The following RTN4 variants were observed in gnomAD, a reference collection of about 807,000 sequenced individuals.
RTN4 encodes reticulon 4.
RTN4 carries 32 observed loss-of-function variants against 90.4 expected under a neutral mutation model. The observed-to-expected ratio is 0.35, with a 90% CI of 0.27 to 0.48. RTN4 has a LOEUF of 0.48. Ranked by LOEUF, RTN4 falls within the 20% of genes least tolerant of loss-of-function variation. The pLI, the probability that RTN4 is intolerant of heterozygous loss-of-function variation, is 0.99. For synonymous variants in RTN4, 629 were observed against 552.5 expected, an observed-to-expected ratio of 1.14 and a Z score of -1.94; for missense variants, 1,706 against 1,430.2, an observed-to-expected ratio of 1.19 and a Z score of -3.11.
At chr2:55,046,340 G>A (rs1479493183) in intron 1 of RTN4, among the ~76,000 whole-genome samples, 1 of 152,062 alleles carries the variant, frequency 6.6e-6, no homozygotes. Flanking sequence ...GACCCCCAAT[G>A]ATCTGGGTGG....
At chr2:55,081,381 C>G (rs1484934358) in intron 1 of RTN4, among the ~76,000 whole-genome samples, 1 of 152,018 alleles carries the variant, frequency 6.6e-6, no homozygotes, top group African/African-American at 2.4e-5. Context: ...CCAGCCTTCA[C>G]TCTCTTTTAA....
the RTN4 span, among the ~76,000 whole-genome samples, chr2:55,127,011 G>T: frequency 2.6e-5 from 4 of 152,184 alleles, no homozygotes; most frequent in East Asian, 1.9e-4. Flanking sequence ...GTCTACTTGA[G>T]GGGGAGAGTA....
chr2:54,987,372 C>T, intron 4 of RTN4, 119 bp downstream of exon 4: 1 of 795,338 alleles, frequency 1.3e-6, no homozygotes, highest in Non-Finnish European at 2.1e-6. Flanking sequence ...AAGCAAATAA[C>T]TGCAATTATC....
chr2:55,072,984 A>G (rs1668542219), intron 2 of RTN4, among the ~76,000 whole-genome samples: 1 of 152,200 alleles, frequency 6.6e-6, no homozygotes, highest in Non-Finnish European at 1.5e-5. Context: ...TCATTCTTTC[A>G]TCTTATTCAA....
chr2:55,039,833 T>C (rs891942793), intron 1 of RTN4, among the ~76,000 whole-genome samples: 3 of 152,166 alleles, frequency 2.0e-5, no homozygotes, highest in Non-Finnish European at 4.4e-5. Flanking sequence ...ACTAATTCTA[T>C]TGTATTGAAG....
chr2:55,025,667 T>C lies in RTN4; in HGVS notation c.2432A>G (p.Lys811Arg). 1 of 1,613,824 alleles carries C rather than the reference T, an allele frequency of 6.2e-7. No individual in the cohort carries two copies. ...AACTTCATCAGGTAACAGGGTATCT[T>C]TTGTGTTATCTAAACTGAGCTTAAA... ...ESFKLSLDNT[K>R]DTLLPDEVST... Residue 811 changes from lysine to arginine, a missense_variant, in exon 3 of 9, where the codon AAA becomes AGA. By Grantham distance (26) the Lys-to-Arg change is conservative (BLOSUM62 2). Coordinates refer to ENST00000337526, the MANE Select transcript of RTN4 (RefSeq NM_020532.5).
At chr2:55,089,603 T>C (rs1398472927) in intron 1 of RTN4, among the ~76,000 whole-genome samples, 2 of 152,256 alleles carry the variant, frequency 1.3e-5, no homozygotes, top group Non-Finnish European at 2.9e-5. Context: ...GACAGAGACG[T>C]CCTGCTCCAA....
intron 1 of RTN4, chr2:55,049,111 C>T: frequency 1.0e-6 from 1 of 985,978 alleles, no homozygotes; most frequent in East Asian, 1.1e-4. Context: ...CTCCACGCAC[C>T]ACACCACTGG....
intron 1 of RTN4, among the ~76,000 whole-genome samples, chr2:55,083,898 T>C (rs1228210636): frequency 6.6e-6 from 1 of 152,238 alleles, no homozygotes; most frequent in Non-Finnish European, 1.5e-5. Flanking sequence ...TTCTTTGTTC[T>C]AATATTTGGT....
Position 55,026,625 on chromosome 2 carries a change from T to C in RTN4, c.1474A>G (p.Thr492Ala). The change falls in exon 3 of 9, where the codon ACC becomes GCC. Residue 492 changes from threonine (T) to alanine (A), a missense_variant. By Grantham distance (58) the Thr-to-Ala change is moderately conservative (BLOSUM62 0). Coordinates refer to ENST00000337526, the MANE Select transcript of RTN4 (RefSeq NM_020532.5). Reference protein sequence around the residue: ...LLGDPTSENKTDEKKIEEKKA... With the variant: ...LLGDPTSENKADEKKIEEKKA... ...TTTTCTTCTATTTTTTTTTCATCGG[T>C]CTTATTTTCTGAAGTAGGATCTCCT... The C allele has an allele frequency of 6.2e-7, 1 of 1,612,610 alleles. No individual in the cohort carries two copies. Among genetic ancestry groups the C allele is most frequent in the Admixed American group, 1.7e-5 (1 of 59,914 alleles).
At chr2:55,002,246 G>A (rs1679903506) in intron 3 of RTN4, among the ~76,000 whole-genome samples, 2 of 151,674 alleles carry the variant, frequency 1.3e-5, no homozygotes, top group South Asian at 4.2e-4. Flanking sequence ...TTTTGTAGAG[G>A]CAGGGCCTCC....
At chr2:55,085,257 CCAAA>C (rs1668814843) in intron 1 of RTN4, among the ~76,000 whole-genome samples, 1 of 151,926 alleles carries the variant, frequency 6.6e-6, no homozygotes, top group African/African-American at 2.4e-5. Context: ...TCTGGAGAAC[CCAAA>C]CACAGTGTGT....
intron 3 of RTN4, among the ~76,000 whole-genome samples, chr2:54,989,936 A>T (rs1380850732): frequency 6.6e-6 from 1 of 152,124 alleles, no homozygotes; most frequent in Non-Finnish European, 1.5e-5. Context: ...ACGGGGAGTG[A>T]TGATAAAGAC....
In RTN4 at chr2:55,101,133, T is replaced by G. The variant is rs1667846388; in HGVS notation, c.-214+11387A>C. Among the ~76,000 whole-genome samples the G allele has an allele frequency of 5.3e-5, 8 of 152,162 alleles. No individual in the cohort carries two copies. In the South Asian group the frequency reaches 1.7e-3, roughly 32 times the overall value. ...TTTGTATAGTAGGATTATATTTTAG[T>G]AAAATAATAATTATTTTACATGTTG... is the stretch of plus-strand genomic sequence containing the variant. On this transcript the variant is annotated intron_variant, in intron 1 of 3. Coordinates refer to the RTN4 transcript ENST00000427710.
chr2:55,119,755 A>T, the RTN4 span, among the ~76,000 whole-genome samples: 27,940 of 152,174 alleles, frequency 0.18, 3,162 homozygotes, highest in Admixed American at 0.25. Flanking sequence ...CTGGAGCACC[A>T]CTAGGATCTA....
At chr2:55,052,304 TA>T (rs1668109838), upstream of RTN4, among the ~76,000 whole-genome samples, 1 of 152,200 alleles carries the variant, frequency 6.6e-6, no homozygotes, top group South Asian at 2.1e-4. Context: ...AAACTGTGGT[TA>T]GGGGGCAGGA....
At chr2:54,976,771 A>G (rs780530677) in intron 5 of RTN4, among the ~76,000 whole-genome samples, 6 of 152,214 alleles carry the variant, frequency 3.9e-5, no homozygotes, top group African/African-American at 9.6e-5. Flanking sequence ...TAAGGTCAAT[A>G]AACACTTTAA....
chr2:55,123,848 T>C, the RTN4 span, among the ~76,000 whole-genome samples: 1 of 152,122 alleles, frequency 6.6e-6, no homozygotes, highest in Non-Finnish European at 1.5e-5. Flanking sequence ...TGCATTTTCA[T>C]TTTGCACTGG....
At chr2:54,979,510 T>C (rs1677948354) in intron 5 of RTN4, among the ~76,000 whole-genome samples, 1 of 152,182 alleles carries the variant, frequency 6.6e-6, no homozygotes, top group Non-Finnish European at 1.5e-5. Context: ...CTTTTTTCAA[T>C]AAAAGCTGTT....
Sources: allele counts gnomAD v4.1 joint callset (sites outside exome capture counted in the v4.1 genomes callset), GRCh38; gene constraint gnomAD v4.1.1; transcripts MANE v1.5; gene names NCBI Gene and HGNC (gene_info 2026-07-23, HGNC 2026-07-21).